ZNF473: variants seen among roughly 807,000 people sequenced by gnomAD.
ZNF473 encodes zinc finger protein 473.
A neutral mutation model predicts 11.1 loss-of-function variants in ZNF473; 4 were observed. The observed-to-expected ratio is 0.36, with a 90% CI of 0.18 to 0.82. ZNF473 has a LOEUF of 0.82. Ranked by LOEUF, ZNF473 falls within the 40% of genes least tolerant of loss-of-function variation. ZNF473 has a pLI of 0.49. For synonymous variants in ZNF473, 404 were observed against 390.4 expected (o/e 1.03, Z -0.41); for missense variants, 854 against 1,084.0 (o/e 0.79, Z 2.98).
intron 1 of ZNF473, among the ~76,000 whole-genome samples, chr19:50,028,234 C>T (rs559102310): frequency 6.7e-6 from 1 of 149,818 alleles, no homozygotes; most frequent in African/African-American, 2.5e-5. Flanking sequence ...GGAGGCAGAG[C>T]TTGCAGCGAG....
chr19:50,045,770 C>G lies in ZNF473; in HGVS notation c.1327C>G (p.His443Asp). Residue 443 changes from histidine (H) to aspartate (D), a missense_variant, in exon 5 of 5, where the codon CAC (histidine) becomes GAC (aspartate). Physicochemically the swap from His to Asp is moderately conservative, Grantham distance 81. This residue lies in a region of ZNF473 where 668 missense variants were observed against 790.2 expected (regional missense o/e 0.85). Transcript: ENST00000270617. Reference protein sequence around the residue: ...CSECGKAFHRHTHLNEHRRIH... With the variant: ...CSECGKAFHRDTHLNEHRRIH... ...TGAGTGTGGGAAGGCCTTCCACCGGCACACTCACCTTAATGAACATCGGCG... is the reference window on the plus strand; with the variant it reads ...TGAGTGTGGGAAGGCCTTCCACCGGGACACTCACCTTAATGAACATCGGCG... 1 of 1,614,098 alleles carries G rather than the reference C, an allele frequency of 6.2e-7. No individual in the cohort carries two copies.
Position 50,045,286 on chromosome 19 carries a change from G to T in ZNF473, c.843G>T (p.Trp281Cys), listed in dbSNP as rs537389279. ...GTTFSQSTYL[W>C]HQKTHTGEKP... ...CTTTTAGTCAGAGTACATACCTGTG[G>T]CATCAGAAAACTCACACTGGAGAAA... The change falls in exon 5 of 5, where the codon TGG (tryptophan) becomes TGT (cysteine). Residue 281 changes from tryptophan to cysteine, a missense_variant. By Grantham distance (215) the Trp-to-Cys change is radical (BLOSUM62 -2). This residue lies in a region of ZNF473 where 668 missense variants were observed against 790.2 expected (regional missense o/e 0.85). Transcript: ENST00000270617. The T allele has an allele frequency of 1.5e-5, 24 of 1,614,146 alleles. No homozygotes were observed. The South Asian group carries it at 2.3e-4, about 16-fold the overall frequency.
intron 1 of ZNF473, among the ~76,000 whole-genome samples, chr19:50,026,806 G>T (rs539054815): frequency 6.6e-6 from 1 of 152,164 alleles, no homozygotes; most frequent in East Asian, 1.9e-4. Context: ...GAAAAGAAAA[G>T]AAAAGAAAAC....
intron 1 of ZNF473, 32 bp downstream of exon 1, chr19:50,026,154 G>A (rs2077272169): frequency 6.5e-6 from 1 of 152,748 alleles, no homozygotes; most frequent in African/African-American, 2.4e-5. Flanking sequence ...GGGACTTGCG[G>A]GCTCGGTCCT....
intron 1 of ZNF473, among the ~76,000 whole-genome samples, chr19:50,026,867 G>A (rs980599034): frequency 6.6e-6 from 1 of 152,116 alleles, no homozygotes; most frequent in African/African-American, 2.4e-5. Flanking sequence ...GAGTGGTTCT[G>A]TTTTATTTTG....
At chr19:50,032,848 A>G (rs1446491404) in intron 2 of ZNF473, among the ~76,000 whole-genome samples, 1 of 152,130 alleles carries the variant, frequency 6.6e-6, no homozygotes, top group Non-Finnish European at 1.5e-5. Flanking sequence ...GCATCACCTC[A>G]ATCTCTGCCT....
intron 2 of ZNF473, among the ~76,000 whole-genome samples, chr19:50,036,397 T>C (rs1978442447): frequency 7.0e-6 from 1 of 142,992 alleles, no homozygotes; most frequent in Non-Finnish European, 1.5e-5. Context: ...CACTGCAAGC[T>C]CTGCTTCCCA....
Position 50,045,769 on chromosome 19 carries a change from G to A in ZNF473, c.1326G>A (p.Arg442=), listed in dbSNP as rs767415345. 1.9e-6 allele frequency: 3 copies of A among 1,614,016 alleles called. No homozygotes were observed. The highest frequency in any genetic ancestry group is 2.5e-6 in the Non-Finnish European group (3 of 1,180,016). The change falls in exon 5 of 5, where the codon CGG becomes CGA. Residue 442 remains arginine (R), a synonymous_variant. Transcript: ENST00000270617. ...GTGAGTGTGGGAAGGCCTTCCACCG[G>A]CACACTCACCTTAATGAACATCGGC... is the stretch of plus-strand genomic sequence containing the variant. ...KCSECGKAFH[R]HTHLNEHRRI...
chr19:50,030,503 G>A (rs1464781207), intron 1 of ZNF473, among the ~76,000 whole-genome samples: 3 of 152,146 alleles, frequency 2.0e-5, no homozygotes, highest in Non-Finnish European at 2.9e-5. Flanking sequence ...GAGCAAGACC[G>A]TGTCTCCAAA....
chr19:50,047,283 T>G lies in ZNF473; in HGVS notation c.*224T>G. The G allele has an allele frequency of 2.0e-6, 1 of 500,932 alleles. No homozygotes were observed. The highest frequency in any genetic ancestry group is 3.6e-6 in the Non-Finnish European group (1 of 280,080). The allele number at this position is 500,932 out of a possible 1,614,324, so 31.0% of individuals were successfully genotyped here. A position where few individuals can be genotyped will look rare whatever the true frequency, so the allele number is the denominator to read the frequency against. The stretch of plus-strand genomic sequence containing the variant: ...TGGAGCCAGTCTACCTTGAGTTAAA[T>G]CCCACCTCTGCCATCTACTACCTAA... On this transcript the variant is annotated 3_prime_UTR_variant, in exon 5 of 5. Transcript: ENST00000270617.
Position 50,041,736 on chromosome 19 carries a change from CA to C in ZNF473, c.145del (p.Arg49AspfsTer4). Reference sequence around the variant, plus strand: ...TGCTTTTCTCTCCCTGCAGACCCCCCAAGACCCAACCTGACCTCCCACCCAG... The same window carrying C: ...TGCTTTTCTCTCCCTGCAGACCCCCCAGACCCAACCTGACCTCCCACCCAG... Reference protein sequence around the residue: ...NCQDLFLLDPPRPNLTSHPDG... With the variant: ...NCQDLFLLDPXRPNLTSHPDG... On this transcript the variant is annotated frameshift_variant, in exon 4 of 5. Transcript: ENST00000270617. LOFTEE classifies it high-confidence loss of function. 6.2e-7 allele frequency: 1 copy of C among 1,611,018 alleles called. No homozygotes were observed. The highest frequency in any genetic ancestry group is 2.2e-5 in the East Asian group (1 of 44,624).
At chr19:50,032,577 G>A (rs1469407597) in intron 2 of ZNF473, among the ~76,000 whole-genome samples, 2 of 152,138 alleles carry the variant, frequency 1.3e-5, no homozygotes, top group Non-Finnish European at 2.9e-5. Context: ...CTGGACTAGG[G>A]AAACGGTTTA....
In ZNF473 at chr19:50,045,889, C is replaced by T. The variant is rs368533507; in HGVS notation, c.1446C>T (p.Thr482=). The T allele has an allele frequency of 3.2e-5, 51 of 1,614,128 alleles. No homozygotes were observed. Among genetic ancestry groups the T allele is most frequent in the South Asian group, 7.7e-5 (7 of 91,080 alleles). Residue 482 remains threonine (T), a synonymous_variant, in exon 5 of 5, where the codon ACC becomes ACT. Coordinates refer to ENST00000270617, the MANE Select transcript of ZNF473 (RefSeq NM_015428.4). ...SHLMRHQAIH[T]AEKPYSCAEC... ...TGATGCGACATCAGGCCATTCACAC[C>T]GCAGAAAAGCCCTATAGCTGTGCTG...
intron 1 of ZNF473, among the ~76,000 whole-genome samples, chr19:50,028,420 A>G (rs959148778): frequency 7.9e-5 from 12 of 151,524 alleles, no homozygotes; most frequent in African/African-American, 2.9e-4. Context: ...GGCTCAAGTG[A>G]TCCTCCTACC....
intron 2 of ZNF473, among the ~76,000 whole-genome samples, chr19:50,035,452 C>CGTGTGTGTGTGT (rs3222106): frequency 0.023 from 3,183 of 138,412 alleles, 82 homozygotes; most frequent in Admixed American, 0.064. Context: ...TTCTTTCATA[C>CGTGTGTGTGTGT]GTGTGTGTGT....
Position 50,026,068 on chromosome 19 carries a change from C to T in ZNF473, c.-246C>T, listed in dbSNP as rs1406925207. ...GCGCGTGTGCGGGGAGTTGAATCTC[C>T]CGCTCCCTTGAGGCTGGGGTTGCGT... On this transcript the variant is annotated 5_prime_UTR_variant, in exon 1 of 5. Coordinates refer to ENST00000270617, the MANE Select transcript of ZNF473 (RefSeq NM_015428.4). The T allele has an allele frequency of 1.3e-5, 2 of 152,664 alleles. No individual in the cohort carries two copies. Among genetic ancestry groups the T allele is most frequent in the Non-Finnish European group, 2.9e-5 (2 of 68,068 alleles). The allele number at this position is 152,664 out of a possible 1,614,324, so 9.5% of individuals were successfully genotyped here. A position where few individuals can be genotyped will look rare whatever the true frequency, so the allele number is the denominator to read the frequency against.
chr19:50,043,523 A>C (rs1451521391), intron 4 of ZNF473: 3 of 151,100 alleles, frequency 2.0e-5, no homozygotes. Flanking sequence ...ACCTGTAAGA[A>C]AGCAGAAACG....
rs141079746 is a variant in ZNF473, at chr19:50,029,183, G to A, written c.-191-1709G>A. On this transcript the variant is annotated intron_variant, in intron 1 of 4. Transcript: ENST00000270617. Reference sequence around the variant, plus strand: ...TTTTGAGACGGAGTCTCGCTCTGTCGCCCAGGCTGGAGTGCATGGCGCCAT... The same window carrying A: ...TTTTGAGACGGAGTCTCGCTCTGTCACCCAGGCTGGAGTGCATGGCGCCAT... Among the ~76,000 whole-genome samples, 685 of 152,240 alleles carry A rather than the reference G, an allele frequency of 4.5e-3. 4 individuals carry two copies. Among genetic ancestry groups the A allele is most frequent in the East Asian group, 0.022 (116 of 5,182 alleles).
chr19:50,029,172 C>T (rs2077303459), intron 1 of ZNF473, among the ~76,000 whole-genome samples: 1 of 152,224 alleles, frequency 6.6e-6, no homozygotes, highest in South Asian at 2.1e-4. Context: ...GAGACGGAGT[C>T]TCGCTCTGTC....
Sources: allele counts gnomAD v4.1 joint callset (sites outside exome capture counted in the v4.1 genomes callset), GRCh38; gene constraint gnomAD v4.1.1; regional missense constraint gnomAD v4.1.1; transcripts MANE v1.5; gene names NCBI Gene and HGNC (gene_info 2026-07-23, HGNC 2026-07-21).